Variants in C17orf100 observed in about 807,000 individuals in gnomAD.
The protein encoded by C17orf100 is uncharacterized protein C17orf100.
In C17orf100, 1 loss-of-function variant was observed where a neutral mutation model predicts 0.7. The ratio of observed to expected loss-of-function variants is 1.50; its 90% CI spans 0.53 to 7.13. The LOEUF (loss-of-function observed/expected upper bound fraction) is 7.13, where lower values mean the gene tolerates loss of function less well. Among genes scored for constraint, C17orf100 ranks in the 30% most tolerant of loss-of-function variants. C17orf100 has a pLI of 0.14. For synonymous variants in C17orf100, 87 were observed against 84.0 expected (o/e 1.04, Z -0.20); for missense variants, 168 against 171.5 (o/e 0.98, Z 0.11).
rs770458821 is a variant in C17orf100, at chr17:6,652,310, C to T, written c.*40C>T. ...AAGGCCACCAAGGGGCCAGGGCCCT[C>T]AGCCAGGACAGAAAGGCCTCCAGTT... On this transcript the variant is annotated 3_prime_UTR_variant, in exon 1 of 1. Transcript: ENST00000542475. The T allele has an allele frequency of 5.4e-5, 87 of 1,606,980 alleles. 1 individual carries two copies. The Middle Eastern group carries it at 9.9e-4, about 18-fold the overall frequency.
rs537762111 is a variant in C17orf100 at position 6,652,599 on chromosome 17, G to A, written c.*329G>A. 3.3e-6 allele frequency: 3 copies of A among 912,948 alleles called. No individual in the cohort carries two copies. Among genetic ancestry groups the A allele is most frequent in the Non-Finnish European group, 4.5e-6 (3 of 670,242 alleles). The allele number at this position is 912,948 out of a possible 1,614,324, so 56.6% of individuals were successfully genotyped here. ...CTGTTTGAGCCTCTGAGCCAGGTGA[G>A]TTTGGGATCCACAGCCCTCAGAAAA... On this transcript the variant is annotated 3_prime_UTR_variant, in exon 1 of 1. Coordinates refer to ENST00000542475, the MANE Select transcript of C17orf100 (RefSeq NM_001105520.2).
At position 6,652,440 on chromosome 17, in the gene C17orf100, G is replaced by C; in HGVS notation, c.*170G>C. 2 of 1,485,780 alleles carry C rather than the reference G, an allele frequency of 1.3e-6. No individual in the cohort carries two copies. The highest frequency in any genetic ancestry group is 1.8e-6 in the Non-Finnish European group (2 of 1,117,612). The allele number at this position is 1,485,780 out of a possible 1,614,324, so 92.0% of individuals were successfully genotyped here. On this transcript the variant is annotated 3_prime_UTR_variant, in exon 1 of 1. Coordinates refer to ENST00000542475, the MANE Select transcript of C17orf100 (RefSeq NM_001105520.2). ...AGCCAAGCCGCAGTTTCTGAACACA[G>C]CCAACGTTTACTGACCGTCCTGCGT... is the stretch of plus-strand genomic sequence containing the variant.
In C17orf100 at chr17:6,651,984, C is replaced by T. The variant is rs911103203; in HGVS notation, c.71C>T (p.Thr24Met). 11 of 1,552,004 alleles carry T rather than the reference C, an allele frequency of 7.1e-6. No homozygotes were observed. The highest frequency in any genetic ancestry group is 1.4e-5 in the African/African-American group (1 of 73,212). ...ACCACCCGCTACACAGAGACGTCCA[C>T]GGTCCGCGTGGAGACCTCGTCCCAC... ...VGTTRYTETS[T>M]VRVETSSHRV... Residue 24 changes from threonine to methionine, a missense_variant, in exon 1 of 1, where the codon ACG becomes ATG. Coordinates refer to ENST00000542475, the MANE Select transcript of C17orf100 (RefSeq NM_001105520.2).
In C17orf100 at chr17:6,652,513, C is replaced by A; in HGVS notation, c.*243C>A. The stretch of plus-strand genomic sequence containing the variant: ...CCAGTGAACTATTTTCACTTGAAGC[C>A]AGCACAGAAGGTTTTCAGGCCCAGG... On this transcript the variant is annotated 3_prime_UTR_variant, in exon 1 of 1. Coordinates refer to ENST00000542475, the MANE Select transcript of C17orf100 (RefSeq NM_001105520.2). 1 of 1,429,074 alleles carries A rather than the reference C, an allele frequency of 7.0e-7. No individual in the cohort carries two copies. Among genetic ancestry groups the A allele is most frequent in the Middle Eastern group, 1.8e-4 (1 of 5,410 alleles). 88.5% of individuals were successfully genotyped at this position (1,429,074 alleles called of 1,614,324 possible).
Position 6,652,187 on chromosome 17 carries a change from G to A in C17orf100, c.274G>A (p.Val92Met), listed in dbSNP as rs1223526619. The change falls in exon 1 of 1, where the codon GTG (valine) becomes ATG (methionine). Residue 92 changes from valine to methionine, a missense_variant. Transcript: ENST00000542475. Reference protein sequence around the residue: ...SRHVRASSLRVETSLHCAESP... With the variant: ...SRHVRASSLRMETSLHCAESP... ...CCACGTCAGAGCCTCGTCCCTGAGG[G>A]TGGAGACGTCTCTGCACTGCGCGGA... 1.4e-5 allele frequency: 23 copies of A among 1,605,598 alleles called. No homozygotes were observed. The highest frequency in any genetic ancestry group is 6.7e-5 in the East Asian group (3 of 44,872).
At position 6,651,897 on chromosome 17, in the gene C17orf100, C is replaced by T. The variant is rs1451991200; in HGVS notation, c.-17C>T. 6.8e-7 allele frequency: 1 copy of T among 1,467,024 alleles called. No homozygotes were observed. The highest frequency in any genetic ancestry group is 9.0e-7 in the Non-Finnish European group (1 of 1,106,244). The allele number at this position is 1,467,024 out of a possible 1,614,324, so 90.9% of individuals were successfully genotyped here. ...TAGGGTGCCCCGAGGCCTCCCTGGC[C>T]CCCTCACGCCGGCAGAATGGCCTCA... On this transcript the variant is annotated 5_prime_UTR_variant, in exon 1 of 1. Transcript: ENST00000542475.
Position 6,652,239 on chromosome 17 carries a change from C to G in C17orf100, c.326C>G (p.Ala109Gly), listed in dbSNP as rs954128935. 1.2e-6 allele frequency: 2 copies of G among 1,609,044 alleles called. No homozygotes were observed. The highest frequency in any genetic ancestry group is 1.7e-6 in the Non-Finnish European group (2 of 1,179,738). Reference sequence around the variant, plus strand: ...AGCCCGACCCCGCGGGCCAAGCCGGCCGCCCGCCAGAACGAAAAAACGGCC... The same window carrying G: ...AGCCCGACCCCGCGGGCCAAGCCGGGCGCCCGCCAGAACGAAAAAACGGCC... ...AESPTPRAKP[A>G]ARQNEKTAR Residue 109 changes from alanine to glycine, a missense_variant, in exon 1 of 1, where the codon GCC becomes GGC. By Grantham distance (60) the Ala-to-Gly change is moderately conservative (BLOSUM62 0). Coordinates refer to ENST00000542475, the MANE Select transcript of C17orf100 (RefSeq NM_001105520.2).
Position 6,652,011 on chromosome 17 carries a change from G to T in C17orf100, c.98G>T (p.Arg33Leu), listed in dbSNP as rs760183070. 8 of 1,556,206 alleles carry T rather than the reference G, an allele frequency of 5.1e-6. No individual in the cohort carries two copies. The Admixed American group carries it at 1.5e-4, about 30-fold the overall frequency. The part of the protein sequence containing the change: ...STVRVETSSH[R>L]VETSSRRVET... ...GTCCGCGTGGAGACCTCGTCCCACC[G>T]CGTGGAGACGTCGTCCCGGCGGGTG... Residue 33 changes from arginine to leucine, a missense_variant, in exon 1 of 1, where the codon CGC (arginine) becomes CTC (leucine). Arg to Leu is a moderately radical substitution (Grantham distance 102). Transcript: ENST00000542475.
Position 6,651,855 on chromosome 17 carries a change from C to T in C17orf100, c.-59C>T, listed in dbSNP as rs1481359545. 2.1e-6 allele frequency: 3 copies of T among 1,448,870 alleles called. No individual in the cohort carries two copies. Among genetic ancestry groups the T allele is most frequent in the African/African-American group, 1.4e-5 (1 of 69,710 alleles). 89.8% of individuals were successfully genotyped at this position (1,448,870 alleles called of 1,614,324 possible). On this transcript the variant is annotated 5_prime_UTR_variant, in exon 1 of 1. Coordinates refer to ENST00000542475, the MANE Select transcript of C17orf100 (RefSeq NM_001105520.2). ...CCGTAGTTTTCCTCTCTTCTGCCTG[C>T]GGTGACCATTGGGCTGTAGGGTGCC...
chr17:6,652,080 C>T lies in C17orf100; in HGVS notation c.167C>T (p.Ser56Leu), dbSNP rs185078386. The change falls in exon 1 of 1, where the codon TCG (serine) becomes TTG (leucine). Residue 56 changes from serine to leucine, a missense_variant. Physicochemically the swap from Ser to Leu is moderately radical, Grantham distance 145. Transcript: ENST00000542475. Reference protein sequence around the residue: ...RRSEGPSLSPSGKRLPRILEA... With the variant: ...RRSEGPSLSPLGKRLPRILEA... ...AGCGAGGGGCCCTCCCTCTCCCCCTCGGGGAAGCGGCTCCCTCGCATCCTC... is the reference window on the plus strand; with the variant it reads ...AGCGAGGGGCCCTCCCTCTCCCCCTTGGGGAAGCGGCTCCCTCGCATCCTC... 3.7e-4 allele frequency: 583 copies of T among 1,573,334 alleles called. 2 individuals carry two copies. In the African/African-American group the frequency reaches 7.2e-3, roughly 20 times the overall value.
chr17:6,651,904 C>G lies in C17orf100; in HGVS notation c.-10C>G. 1 of 1,471,470 alleles carries G rather than the reference C, an allele frequency of 6.8e-7. No individual in the cohort carries two copies. Among genetic ancestry groups the G allele is most frequent in the East Asian group, 2.5e-5 (1 of 40,252 alleles). 91.2% of individuals were successfully genotyped at this position (1,471,470 alleles called of 1,614,324 possible). ...CCCCGAGGCCTCCCTGGCCCCCTCA[C>G]GCCGGCAGAATGGCCTCAGCCCGAG... On this transcript the variant is annotated 5_prime_UTR_variant, in exon 1 of 1. Coordinates refer to ENST00000542475, the MANE Select transcript of C17orf100 (RefSeq NM_001105520.2).
rs1409911413 is a variant in C17orf100, at chr17:6,652,293, C to A, written c.*23C>A. Reference sequence around the variant, plus strand: ...TGAGATGCTGCTTCCCAAAGGCCACCAAGGGGCCAGGGCCCTCAGCCAGGA... The same window carrying A: ...TGAGATGCTGCTTCCCAAAGGCCACAAAGGGGCCAGGGCCCTCAGCCAGGA... On this transcript the variant is annotated 3_prime_UTR_variant, in exon 1 of 1. Transcript: ENST00000542475. 6.2e-7 allele frequency: 1 copy of A among 1,611,094 alleles called. No homozygotes were observed. Among genetic ancestry groups the A allele is most frequent in the South Asian group, 1.1e-5 (1 of 90,654 alleles).
At position 6,651,877 on chromosome 17, in the gene C17orf100, T is replaced by C; in HGVS notation, c.-37T>C. On this transcript the variant is annotated 5_prime_UTR_variant, in exon 1 of 1. Transcript: ENST00000542475. ...CTGCGGTGACCATTGGGCTGTAGGG[T>C]GCCCCGAGGCCTCCCTGGCCCCCTC... 6.9e-7 allele frequency: 1 copy of C among 1,457,074 alleles called. No individual in the cohort carries two copies. Among genetic ancestry groups the C allele is most frequent in the Non-Finnish European group, 9.1e-7 (1 of 1,103,482 alleles). 90.3% of individuals were successfully genotyped at this position (1,457,074 alleles called of 1,614,324 possible).
rs1396201569 is a variant in C17orf100 at position 6,653,351 on chromosome 17, A to T, written c.*1081A>T. 1.2e-5 allele frequency: 2 copies of T among 164,972 alleles called. No homozygotes were observed. Among genetic ancestry groups the T allele is most frequent in the Non-Finnish European group, 2.9e-5 (2 of 68,128 alleles). 10.2% of individuals were successfully genotyped at this position (164,972 alleles called of 1,614,324 possible). ...GGAACTTGGGCTATAGCAGTAAAAA[A>T]GGCAAAGTCCCAGCTCTAGTGGAGC... On this transcript the variant is annotated 3_prime_UTR_variant, in exon 1 of 1. Coordinates refer to ENST00000542475, the MANE Select transcript of C17orf100 (RefSeq NM_001105520.2).
In C17orf100 at chr17:6,652,346, C is replaced by CAGCCAGCT. The variant is rs1169192083; in HGVS notation, c.*77_*84dup. The CAGCCAGCT allele has an allele frequency of 6.3e-7, 1 of 1,585,440 alleles. No individual in the cohort carries two copies. The highest frequency in any genetic ancestry group is 2.3e-5 in the East Asian group (1 of 43,518). The stretch of plus-strand genomic sequence containing the variant: ...GAAAGGCCTCCAGTTGCCAGCCAGC[C>CAGCCAGCT]AGCCAGCTGCCAGGTGGACCAATCA... On this transcript the variant is annotated 3_prime_UTR_variant, in exon 1 of 1. Coordinates refer to ENST00000542475, the MANE Select transcript of C17orf100 (RefSeq NM_001105520.2).
rs776252634 is a variant in C17orf100, at chr17:6,652,737, T to G, written c.*467T>G. ...AGACTCATAAATTATTAATTGGCCTTTGTTTATGTTTCAAAGTAAATGGTC... is the reference window on the plus strand; with the variant it reads ...AGACTCATAAATTATTAATTGGCCTGTGTTTATGTTTCAAAGTAAATGGTC... On this transcript the variant is annotated 3_prime_UTR_variant, in exon 1 of 1. Transcript: ENST00000542475. 4.4e-5 allele frequency: 8 copies of G among 181,806 alleles called. No individual in the cohort carries two copies. Among genetic ancestry groups the G allele is most frequent in the Non-Finnish European group, 1.0e-4 (8 of 77,870 alleles). The allele number at this position is 181,806 out of a possible 1,614,324, so 11.3% of individuals were successfully genotyped here.
rs752923794 is a variant in C17orf100 at position 6,652,244 on chromosome 17, C to T, written c.331C>T (p.Arg111Cys). The change falls in exon 1 of 1, where the codon CGC (arginine) becomes TGC (cysteine). Residue 111 changes from arginine (R) to cysteine (C), a missense_variant. By Grantham distance (180) the Arg-to-Cys change is radical. Transcript: ENST00000542475. Reference protein sequence around the residue: ...SPTPRAKPAARQNEKTAR With the variant: ...SPTPRAKPAACQNEKTAR ...GACCCCGCGGGCCAAGCCGGCCGCC[C>T]GCCAGAACGAAAAAACGGCCCGATG... The T allele has an allele frequency of 1.2e-6, 2 of 1,609,856 alleles. No individual in the cohort carries two copies. Among genetic ancestry groups the T allele is most frequent in the Non-Finnish European group, 1.7e-6 (2 of 1,179,760 alleles).
rs762443500 is a variant in C17orf100 at position 6,652,028 on chromosome 17, C to G, written c.115C>G (p.Arg39Gly). 31 of 1,554,730 alleles carry G rather than the reference C, an allele frequency of 2.0e-5. No homozygotes were observed. Among genetic ancestry groups the G allele is most frequent in the South Asian group, 1.5e-4 (13 of 84,562 alleles). Residue 39 changes from arginine (R) to glycine (G), a missense_variant, in exon 1 of 1, where the codon CGG becomes GGG. Physicochemically the swap from Arg to Gly is moderately radical, Grantham distance 125. Transcript: ENST00000542475. ...TSSHRVETSS[R>G]RVETSQRRSE... ...GTCCCACCGCGTGGAGACGTCGTCC[C>G]GGCGGGTGGAGACCTCCCAGCGCCG...
Position 6,651,922 on chromosome 17 carries a change from A to G in C17orf100, c.9A>G (p.Ser3=). 6.7e-7 allele frequency: 1 copy of G among 1,488,780 alleles called. No homozygotes were observed. The highest frequency in any genetic ancestry group is 9.0e-7 in the Non-Finnish European group (1 of 1,114,614). The allele number at this position is 1,488,780 out of a possible 1,614,324, so 92.2% of individuals were successfully genotyped here. ...CCCCTCACGCCGGCAGAATGGCCTCAGCCCGAGGGGCCAAGCAGTCTTCGC... is the reference window on the plus strand; with the variant it reads ...CCCCTCACGCCGGCAGAATGGCCTCGGCCCGAGGGGCCAAGCAGTCTTCGC... The part of the protein sequence containing the change: MA[S]ARGAKQSSPR... Residue 3 remains serine (S), a synonymous_variant, in exon 1 of 1, where the codon TCA becomes TCG. Transcript: ENST00000542475.
Sources: gnomAD v4.1 joint callset for allele counts on GRCh38, gnomAD v4.1.1 for gene constraint, MANE v1.5 for transcripts, NCBI Gene and HGNC (gene_info 2026-07-23, HGNC 2026-07-21) for gene names.